Variants in ADAMTSL3 observed in about 807,000 individuals in gnomAD.
ADAMTSL3 encodes the protein ADAMTS like 3.
In ADAMTSL3, 128 loss-of-function variants were observed where a neutral mutation model predicts 201.7. The ratio of observed to expected loss-of-function variants is 0.63; its 90% CI spans 0.55 to 0.73. The LOEUF (loss-of-function observed/expected upper bound fraction) is 0.73, where lower values mean the gene tolerates loss of function less well. Among genes scored for constraint, ADAMTSL3 ranks in the 30% least tolerant of loss-of-function variants. The pLI is 0.00. For missense variants in ADAMTSL3, 1,990 were observed against 2,119.6 expected (o/e 0.94, Z 1.20); for synonymous variants, 738 against 748.4 (o/e 0.99, Z 0.23).
intron 3 of ADAMTSL3, among the ~76,000 whole-genome samples, chr15:83,765,070 G>A (rs542168215): frequency 6.6e-6 from 1 of 152,316 alleles, no homozygotes; most frequent in South Asian, 2.1e-4. Context: ...GCAGAGGGTA[G>A]AATGGACTGA....
intron 19 of ADAMTSL3, among the ~76,000 whole-genome samples, chr15:83,969,873 T>C (rs1332936198): frequency 6.6e-6 from 1 of 152,208 alleles, no homozygotes; most frequent in Non-Finnish European, 1.5e-5. Flanking sequence ...AGAAGGTAGA[T>C]CTTATGTGAA....
chr15:83,856,045 A>C (rs1347943022), intron 7 of ADAMTSL3, among the ~76,000 whole-genome samples: 1 of 151,512 alleles, frequency 6.6e-6, no homozygotes, highest in African/African-American at 2.4e-5. Flanking sequence ...AAAGAAAAAC[A>C]ACAAAGCATG....
At chr15:83,737,085 A>G (rs1020101013) in intron 3 of ADAMTSL3, among the ~76,000 whole-genome samples, 1 of 152,214 alleles carries the variant, frequency 6.6e-6, no homozygotes, top group African/African-American at 2.4e-5. Context: ...AAAAGAAACA[A>G]TTAGATATTT....
intron 9 of ADAMTSL3, among the ~76,000 whole-genome samples, chr15:83,880,388 T>C (rs1292708688): frequency 6.6e-6 from 1 of 152,146 alleles, no homozygotes; most frequent in African/African-American, 2.4e-5. Context: ...TTTTTGTAAA[T>C]AAAGTTTTAT....
At chr15:83,787,750 G>C (rs2063287606) in intron 4 of ADAMTSL3, among the ~76,000 whole-genome samples, 1 of 152,026 alleles carries the variant, frequency 6.6e-6, no homozygotes, top group Admixed American at 6.6e-5. Flanking sequence ...CTACGCATTA[G>C]AGTCATACTA....
chr15:83,661,686 T>C (rs1233349635), intron 2 of ADAMTSL3, among the ~76,000 whole-genome samples: 3 of 152,082 alleles, frequency 2.0e-5, no homozygotes, highest in Admixed American at 2.0e-4. Flanking sequence ...GACAAAGGGC[T>C]AATATCCAGA....
At chr15:83,713,995 C>T (rs1196155342) in intron 3 of ADAMTSL3, among the ~76,000 whole-genome samples, 1 of 152,128 alleles carries the variant, frequency 6.6e-6, no homozygotes, top group Non-Finnish European at 1.5e-5. Context: ...GTTGAGGGCT[C>T]TTCCAGATGG....
intron 16 of ADAMTSL3, among the ~76,000 whole-genome samples, chr15:83,916,721 G>A (rs1875810640): frequency 6.6e-6 from 1 of 151,984 alleles, no homozygotes. Context: ...TGAGGCAGGA[G>A]GATCTCTTGA....
intron 15 of ADAMTSL3, among the ~76,000 whole-genome samples, chr15:83,900,855 A>G (rs753888191): frequency 2.0e-5 from 3 of 152,224 alleles, no homozygotes; most frequent in Admixed American, 2.0e-4. Flanking sequence ...GAAAGCTGCC[A>G]TGGATCCCGA....
chr15:83,728,053 G>T (rs1002143936), intron 3 of ADAMTSL3, among the ~76,000 whole-genome samples: 3 of 151,732 alleles, frequency 2.0e-5, no homozygotes, highest in Admixed American at 6.6e-5. Context: ...ATCCAGTGTT[G>T]GGTGCATACA....
intron 17 of ADAMTSL3, among the ~76,000 whole-genome samples, chr15:83,929,021 A>G (rs1419316877): frequency 1.3e-5 from 2 of 152,200 alleles, no homozygotes; most frequent in Non-Finnish European, 2.9e-5. Flanking sequence ...CTGTTTCACA[A>G]GTTTCTAAAT....
chr15:83,717,926 C>A (rs1204505365), intron 3 of ADAMTSL3, among the ~76,000 whole-genome samples: 1 of 152,076 alleles, frequency 6.6e-6, no homozygotes, highest in South Asian at 2.1e-4. Flanking sequence ...TGAGACAAAG[C>A]AAATGAACAA....
intron 3 of ADAMTSL3, among the ~76,000 whole-genome samples, chr15:83,734,694 C>T (rs2062340946): frequency 6.6e-6 from 1 of 152,186 alleles, no homozygotes; most frequent in African/African-American, 2.4e-5. Context: ...GAACATTTCT[C>T]TCCAAACCAT....
chr15:83,962,618 C>G (rs1037754284), intron 19 of ADAMTSL3: 2 of 152,138 alleles, frequency 1.3e-5, no homozygotes, highest in African/African-American at 4.8e-5. Flanking sequence ...TCATGTTACT[C>G]TATATATGGC....
intron 2 of ADAMTSL3, among the ~76,000 whole-genome samples, chr15:83,688,555 A>G (rs1252690602): frequency 6.6e-6 from 1 of 152,118 alleles, no homozygotes; most frequent in African/African-American, 2.4e-5. Flanking sequence ...AAAATAGTGA[A>G]ATTATATTTA....
chr15:83,816,484 C>T (rs1433667884), intron 5 of ADAMTSL3, among the ~76,000 whole-genome samples: 1 of 152,092 alleles, frequency 6.6e-6, no homozygotes, highest in South Asian at 2.1e-4. Context: ...TTAAGGGAGT[C>T]GAGAGTTAGC....
chr15:83,991,143 T>A lies in ADAMTSL3; in HGVS notation c.3902T>A (p.Leu1301Gln). The change falls in exon 23 of 30, where the codon CTG becomes CAG. Residue 1301 changes from leucine to glutamine, a missense_variant. By Grantham distance (113) the Leu-to-Gln change is moderately radical (BLOSUM62 -2). Transcript: ENST00000286744. Reference protein sequence around the residue: ...RNITKPEHNHLSVVVGGIVEA... With the variant: ...RNITKPEHNHQSVVVGGIVEA... ...ATCACCAAACCAGAGCACAACCATC[T>A]GTCTGTTGTGGTTGGAGGCATCGTG... 6.2e-7 allele frequency: 1 copy of A among 1,614,206 alleles called. No individual in the cohort carries two copies. The highest frequency in any genetic ancestry group is 8.5e-7 in the Non-Finnish European group (1 of 1,180,004).
intron 13 of ADAMTSL3, among the ~76,000 whole-genome samples, chr15:83,897,307 A>G (rs1336670016): frequency 6.6e-6 from 1 of 152,250 alleles, no homozygotes; most frequent in Admixed American, 6.5e-5. Context: ...GCAGGCAGTT[A>G]TAGATGTATG....
At chr15:83,776,915 G>A (rs1196804372) in intron 4 of ADAMTSL3, among the ~76,000 whole-genome samples, 1 of 148,204 alleles carries the variant, frequency 6.7e-6, no homozygotes, top group Non-Finnish European at 1.5e-5. Context: ...AGCCTTTTAT[G>A]CCTGCAGAAC....
Sources: gnomAD v4.1 joint callset for allele counts (sites outside exome capture counted in the v4.1 genomes callset) on GRCh38, gnomAD v4.1.1 for gene constraint, MANE v1.5 for transcripts, NCBI Gene and HGNC (gene_info 2026-07-23, HGNC 2026-07-21) for gene names.